Variants in STX8 observed in about 807,000 individuals in gnomAD.
The protein encoded by STX8 is syntaxin 8, also known as syntaxin-8.
A neutral mutation model predicts 37.5 loss-of-function variants in STX8; 23 were observed. That is an observed-to-expected ratio of 0.61 (90% CI 0.44 to 0.87). The LOEUF (loss-of-function observed/expected upper bound fraction) is 0.87. Ranked by LOEUF, STX8 falls within the 40% of genes least tolerant of loss-of-function variation. STX8 has a pLI of 0.00. For synonymous variants in STX8, 115 were observed against 99.1 expected (o/e 1.16, Z -0.95); for missense variants, 313 against 284.7 (o/e 1.10, Z -0.71).
chr17:9,369,886 CAAAAAAAAAAA>C (rs60178482), intron 7 of STX8, among the ~76,000 whole-genome samples: 51 of 52,154 alleles, frequency 9.8e-4, no homozygotes, highest in South Asian at 3.3e-3. Context: ...GACCCTGTAC[CAAAAAAAAAAA>C]AAAAAAAAAA....
At chr17:9,308,445 C>T (rs1200227684) in intron 7 of STX8, among the ~76,000 whole-genome samples, 4 of 152,134 alleles carry the variant, frequency 2.6e-5, no homozygotes, top group African/African-American at 7.2e-5. Flanking sequence ...GGAATTACAG[C>T]CAGGCGTGGT....
intron 4 of STX8, among the ~76,000 whole-genome samples, chr17:9,539,266 G>GGAA (rs1906179936): frequency 6.6e-6 from 1 of 151,328 alleles, no homozygotes; most frequent in South Asian, 2.1e-4. Flanking sequence ...AGAGAAAAGA[G>GGAA]GGAAAAGAGG....
At chr17:9,287,779 G>A (rs1908132935) in intron 7 of STX8, among the ~76,000 whole-genome samples, 1 of 151,502 alleles carries the variant, frequency 6.6e-6, no homozygotes, top group Non-Finnish European at 1.5e-5. Flanking sequence ...TTGAGATGGA[G>A]GCTCACTCGG....
chr17:9,442,182 T>C (rs542967878), intron 6 of STX8, among the ~76,000 whole-genome samples: 1 of 152,220 alleles, frequency 6.6e-6, no homozygotes, highest in Non-Finnish European at 1.5e-5. Flanking sequence ...TTGTCATCTA[T>C]GCAGCTGCCT....
chr17:9,278,376 G>C (rs1171353676), intron 7 of STX8, among the ~76,000 whole-genome samples: 1 of 152,166 alleles, frequency 6.6e-6, no homozygotes, highest in Admixed American at 6.5e-5. Flanking sequence ...TTGAACCCGG[G>C]AGGCGGAGGT....
intron 6 of STX8, among the ~76,000 whole-genome samples, chr17:9,388,812 GAA>G (rs79059878): frequency 0.33 from 35,198 of 108,108 alleles, 4,259 homozygotes; most frequent in African/African-American, 0.39. Flanking sequence ...TCAAAAAAAA[GAA>G]AAAAAAAAAA....
intron 7 of STX8, among the ~76,000 whole-genome samples, chr17:9,304,436 G>C (rs1160542758): frequency 7.4e-6 from 1 of 135,194 alleles, no homozygotes; most frequent in Non-Finnish European, 1.5e-5. Context: ...TGAGGCAGAA[G>C]AATCTCTTGT....
chr17:9,305,831 G>A (rs147562694), intron 7 of STX8, among the ~76,000 whole-genome samples: 1 of 135,488 alleles, frequency 7.4e-6, no homozygotes, highest in African/African-American at 2.9e-5. Flanking sequence ...TGCAATCTCC[G>A]CCTCCCAGGT....
At chr17:9,487,845 G>A (rs1906670487) in intron 6 of STX8, among the ~76,000 whole-genome samples, 1 of 152,158 alleles carries the variant, frequency 6.6e-6, no homozygotes, top group South Asian at 2.1e-4. Context: ...TGTGCATGTG[G>A]GGGATTTAGA....
chr17:9,510,046 CATA>C (rs1199582313), intron 4 of STX8, among the ~76,000 whole-genome samples: 1 of 152,074 alleles, frequency 6.6e-6, no homozygotes, highest in Non-Finnish European at 1.5e-5. Flanking sequence ...AAGGACATTA[CATA>C]ATAATAAAGG....
intron 3 of STX8, chr17:9,553,133 T>C (rs1422311661): frequency 6.6e-6 from 1 of 152,172 alleles, no homozygotes; most frequent in Non-Finnish European, 1.5e-5. Flanking sequence ...TAAGTATCTT[T>C]AGTACTATCT....
intron 7 of STX8, among the ~76,000 whole-genome samples, chr17:9,347,021 G>A (rs1179908144): frequency 3.3e-5 from 5 of 151,968 alleles, no homozygotes; most frequent in African/African-American, 9.7e-5. Context: ...CAGTTACTCG[G>A]GAGGCTGAGG....
At chr17:9,367,985 G>T (rs1199528475) in intron 7 of STX8, among the ~76,000 whole-genome samples, 1 of 151,740 alleles carries the variant, frequency 6.6e-6, no homozygotes, top group Non-Finnish European at 1.5e-5. Flanking sequence ...ACCTGCCTCA[G>T]CTTCCCAAAG....
intron 6 of STX8, among the ~76,000 whole-genome samples, chr17:9,445,733 T>G (rs1396991067): frequency 6.6e-6 from 1 of 152,162 alleles, no homozygotes; most frequent in African/African-American, 2.4e-5. Context: ...TACCCACTTT[T>G]TAAACCATGA....
intron 7 of STX8, among the ~76,000 whole-genome samples, chr17:9,311,459 A>T (rs1909185859): frequency 6.6e-6 from 1 of 152,342 alleles, no homozygotes; most frequent in Admixed American, 6.5e-5. Flanking sequence ...GCTTTTAGAA[A>T]CTGCAATATG....
At chr17:9,327,223 AGAAGGAGGAAGGAGGAC>A (rs1292046159) in intron 7 of STX8, among the ~76,000 whole-genome samples, 17 of 146,236 alleles carry the variant, frequency 1.2e-4, no homozygotes, top group East Asian at 1.9e-4. Flanking sequence ...AGAAGGAGGA[AGAAGGAGGAAGGAGGAC>A]AGAGGAGGAA....
At chr17:9,373,099 C>T (rs1249961252) in intron 7 of STX8, among the ~76,000 whole-genome samples, 1 of 139,936 alleles carries the variant, frequency 7.1e-6, no homozygotes, top group Non-Finnish European at 1.5e-5. Flanking sequence ...AGCAAGAAGA[C>T]TCCATCTCAA....
intron 7 of STX8, among the ~76,000 whole-genome samples, chr17:9,372,132 C>T (rs561378754): frequency 9.4e-4 from 143 of 152,272 alleles, no homozygotes; most frequent in African/African-American, 3.0e-3. Flanking sequence ...TGATGTTTCC[C>T]GGTCTACCCT....
At position 9,391,537 on chromosome 17, in the gene STX8, A is replaced by G. The variant is rs186143944; in HGVS notation, c.542-12884T>C. On this transcript the variant is annotated intron_variant, in intron 6 of 7. Coordinates refer to ENST00000306357, the MANE Select transcript of STX8 (RefSeq NM_004853.3). Reference sequence around the variant, plus strand: ...ACACACACACACTCATGCAGCAACAAAAAAGCAAAACAAATGTGGCTAAAC... The same window carrying G: ...ACACACACACACTCATGCAGCAACAGAAAAGCAAAACAAATGTGGCTAAAC... Among the ~76,000 whole-genome samples, 472 of 152,270 alleles carry G rather than the reference A, an allele frequency of 3.1e-3. 2 individuals carry two copies. The highest frequency in any genetic ancestry group is 5.1e-3 in the Non-Finnish European group (350 of 68,010).
Sources: gnomAD v4.1 joint callset for allele counts (sites outside exome capture counted in the v4.1 genomes callset) on GRCh38, gnomAD v4.1.1 for gene constraint, MANE v1.5 for transcripts, NCBI Gene and HGNC (gene_info 2026-07-23, HGNC 2026-07-21) for gene names.